CFAP299: variants seen among roughly 807,000 people sequenced by gnomAD.
CFAP299 encodes cilia- and flagella-associated protein 299.
A neutral mutation model predicts 27.0 loss-of-function variants in CFAP299; 21 were observed. The observed-to-expected ratio is 0.78, with a 90% CI of 0.55 to 1.12. The LOEUF is 1.12. CFAP299 is among the 50% of genes most tolerant of loss of function. The pLI is 0.00. For synonymous variants in CFAP299, 104 were observed against 98.1 expected (o/e 1.06, Z -0.36); for missense variants, 310 against 276.6 (o/e 1.12, Z -0.86).
chr4:80,363,552 G>A (rs1219429122), intron 2 of CFAP299, among the ~76,000 whole-genome samples: 1 of 152,014 alleles, frequency 6.6e-6, no homozygotes, highest in Non-Finnish European at 1.5e-5. Flanking sequence ...TACTATCATT[G>A]GATAACATCT....
intron 3 of CFAP299, among the ~76,000 whole-genome samples, chr4:80,685,130 A>G (rs1377292407): frequency 6.6e-6 from 1 of 152,226 alleles, no homozygotes. Context: ...ATGCAATGCT[A>G]TCATCCTTTA....
the CFAP299 span, among the ~76,000 whole-genome samples, chr4:80,329,208 C>CATATATATATATATATATATATAT: frequency 1.5e-3 from 207 of 135,972 alleles, 2 homozygotes; most frequent in African/African-American, 5.7e-3. Flanking sequence ...ACACTGTATA[C>CATATATATATATATATATATATAT]ATATATATAT....
At chr4:80,432,426 C>T (rs1727863418) in intron 2 of CFAP299, among the ~76,000 whole-genome samples, 1 of 152,122 alleles carries the variant, frequency 6.6e-6, no homozygotes, top group East Asian at 1.9e-4. Flanking sequence ...GCTAGGATTA[C>T]AGGCGTGAGC....
chr4:80,400,494 T>C, intron 2 of CFAP299, among the ~76,000 whole-genome samples: 1 of 151,166 alleles, frequency 6.6e-6, no homozygotes, highest in East Asian at 1.9e-4. Flanking sequence ...AGTGAATAAG[T>C]CTCACGAGAT....
At chr4:80,899,158 A>T (rs1391014726) in intron 4 of CFAP299, among the ~76,000 whole-genome samples, 1 of 152,204 alleles carries the variant, frequency 6.6e-6, no homozygotes, top group African/African-American at 2.4e-5. Context: ...TACTGTGAAG[A>T]TTTTATGAGA....
At chr4:80,798,072 C>T (rs1727974297) in intron 3 of CFAP299, among the ~76,000 whole-genome samples, 1 of 152,108 alleles carries the variant, frequency 6.6e-6, no homozygotes, top group Admixed American at 6.6e-5. Context: ...CATTTCCATG[C>T]CTGTTCTCCA....
rs575815816 is a variant in CFAP299 at position 80,424,591 on chromosome 4, A to G, written c.242+61707A>G. On this transcript the variant is annotated intron_variant, in intron 2 of 5. Coordinates refer to ENST00000358105, the MANE Select transcript of CFAP299 (RefSeq NM_152770.3). ...TATTGTTTCAATACACACAAGTTCC[A>G]AAGAAGCATGGCATTATGAGTGATA... Among the ~76,000 whole-genome samples the G allele has an allele frequency of 1.3e-4, 20 of 152,368 alleles. No individual in the cohort carries two copies. The South Asian group carries it at 4.1e-3, about 32-fold the overall frequency.
At chr4:80,585,259 C>T (rs1291797584) in intron 3 of CFAP299, among the ~76,000 whole-genome samples, 1 of 151,972 alleles carries the variant, frequency 6.6e-6, no homozygotes, top group Non-Finnish European at 1.5e-5. Flanking sequence ...ATGTAGTGTA[C>T]TAAAAGATCA....
chr4:80,559,786 C>T (rs536532275), intron 2 of CFAP299, among the ~76,000 whole-genome samples: 7 of 152,188 alleles, frequency 4.6e-5, no homozygotes, highest in Non-Finnish European at 1.0e-4. Flanking sequence ...TAAACCAGCC[C>T]TAGCCAGAAC....
chr4:80,823,375 A>T (rs1391266355), intron 3 of CFAP299, among the ~76,000 whole-genome samples: 1 of 152,138 alleles, frequency 6.6e-6, no homozygotes, highest in African/African-American at 2.4e-5. Flanking sequence ...CCCATTTTTA[A>T]AATTGTTTTT....
intron 2 of CFAP299, among the ~76,000 whole-genome samples, chr4:80,581,453 GATATAT>G (rs70944794): frequency 0.56 from 57,453 of 103,022 alleles, 15,824 homozygotes; most frequent in East Asian, 0.67. Context: ...TATTAAGTGA[GATATAT>G]ATATATATAT....
At chr4:80,571,233 T>TA (rs1198169910) in intron 2 of CFAP299, among the ~76,000 whole-genome samples, 6 of 152,146 alleles carry the variant, frequency 3.9e-5, no homozygotes, top group Non-Finnish European at 1.5e-5. Flanking sequence ...AAAATAATCT[T>TA]ATGAGTATAT....
rs183575222 is a variant in CFAP299 at position 80,654,817 on chromosome 4, G to T, written c.333+71634G>T. On this transcript the variant is annotated intron_variant, in intron 3 of 5. Transcript: ENST00000358105. ...TTTTTTTTTTTTTGGTAGAGACGAG[G>T]TCTCTTTCTATGGCTCAGGCACTAA... Among the ~76,000 whole-genome samples, 125 of 148,620 alleles carry T rather than the reference G, an allele frequency of 8.4e-4. 1 individual carries two copies. Among genetic ancestry groups the T allele is most frequent in the African/African-American group, 3.0e-3 (120 of 40,168 alleles).
chr4:80,772,667 A>G (rs1414013651), intron 3 of CFAP299, among the ~76,000 whole-genome samples: 1 of 151,976 alleles, frequency 6.6e-6, no homozygotes, highest in African/African-American at 2.4e-5. Flanking sequence ...TCTAGGTCTT[A>G]AGCCCCACAT....
intron 5 of CFAP299, among the ~76,000 whole-genome samples, chr4:80,946,403 G>C (rs1439148880): frequency 6.6e-6 from 1 of 152,002 alleles, no homozygotes; most frequent in Non-Finnish European, 1.5e-5. Flanking sequence ...GGGTTGAGAG[G>C]GTACAAAGAA....
intron 3 of CFAP299, among the ~76,000 whole-genome samples, chr4:80,815,018 GAACA>G (rs1177308650): frequency 6.6e-6 from 1 of 151,830 alleles, no homozygotes; most frequent in East Asian, 1.9e-4. Flanking sequence ...GTATGAATAA[GAACA>G]AATAAACCAA....
chr4:80,821,520 G>GCA (rs1167185415), intron 3 of CFAP299, among the ~76,000 whole-genome samples: 3 of 152,042 alleles, frequency 2.0e-5, no homozygotes, highest in African/African-American at 7.2e-5. Flanking sequence ...ATGAAAAGCG[G>GCA]CACACCTGCT....
chr4:80,374,558 T>C (rs919408785), intron 2 of CFAP299, among the ~76,000 whole-genome samples: 9 of 152,108 alleles, frequency 5.9e-5, no homozygotes, highest in Admixed American at 2.0e-4. Flanking sequence ...AGGTCAAAAT[T>C]TTCAAAAACA....
chr4:80,595,758 C>A (rs1441412463), intron 3 of CFAP299, among the ~76,000 whole-genome samples: 2 of 152,120 alleles, frequency 1.3e-5, no homozygotes, highest in Non-Finnish European at 2.9e-5. Context: ...CATCTGCAAT[C>A]CAGTATGAAA....
Sources: allele counts gnomAD v4.1 joint callset (sites outside exome capture counted in the v4.1 genomes callset), GRCh38; gene constraint gnomAD v4.1.1; transcripts MANE v1.5; gene names NCBI Gene and HGNC (gene_info 2026-07-23, HGNC 2026-07-21).